Variants in FOXP2 observed in about 807,000 individuals in gnomAD.
FOXP2 encodes the protein forkhead box P2, also known as forkhead box protein P2.
A neutral mutation model predicts 115.8 loss-of-function variants in FOXP2; 12 were observed. The observed-to-expected ratio is 0.10, with a 90% confidence interval of 0.07 to 0.17. FOXP2 has a LOEUF of 0.17. FOXP2 is among the 10% of genes least tolerant of loss of function. The pLI is 1.00. For synonymous variants in FOXP2, 328 were observed against 297.7 expected (o/e 1.10, Z -1.05); for missense variants, 629 against 843.5 (o/e 0.75, Z 3.15).
At chr7:114,339,825 T>C in intron 2 of FOXP2, among the ~76,000 whole-genome samples, 1 of 151,244 alleles carries the variant, frequency 6.6e-6, no homozygotes, top group East Asian at 1.9e-4. Flanking sequence ...ATACAGTTTT[T>C]TTATGATTAC....
At chr7:114,557,498 A>G (rs913152622) in intron 3 of FOXP2, among the ~76,000 whole-genome samples, 2 of 151,888 alleles carry the variant, frequency 1.3e-5, no homozygotes, top group Non-Finnish European at 2.9e-5. Flanking sequence ...AATAAGAAGT[A>G]TTTTTTTCTG....
At chr7:114,233,033 C>T (rs933857485) in intron 1 of FOXP2, among the ~76,000 whole-genome samples, 5 of 151,992 alleles carry the variant, frequency 3.3e-5, no homozygotes, top group Admixed American at 6.6e-5. Flanking sequence ...GGGGAGCTTC[C>T]GTTCAATGGA....
intron 2 of FOXP2, among the ~76,000 whole-genome samples, chr7:114,360,363 T>G (rs906820829): frequency 6.6e-6 from 1 of 152,132 alleles, no homozygotes; most frequent in Non-Finnish European, 1.5e-5. Flanking sequence ...ATCCTTCCTT[T>G]TCTTTTTTTT....
intron 1 of FOXP2, among the ~76,000 whole-genome samples, chr7:114,213,828 G>A (rs1794418437): frequency 6.6e-6 from 1 of 152,138 alleles, no homozygotes; most frequent in African/African-American, 2.4e-5. Flanking sequence ...GGGAAAATCT[G>A]TTAACTTAGC....
At chr7:114,115,112 A>G (rs191519382) in intron 1 of FOXP2, among the ~76,000 whole-genome samples, 54 of 152,240 alleles carry the variant, frequency 3.5e-4, no homozygotes, top group Middle Eastern at 6.8e-3. Flanking sequence ...ATCACAGATT[A>G]AGGCCCTCTC....
chr7:114,510,636 A>T (rs1655907698), intron 2 of FOXP2, among the ~76,000 whole-genome samples: 2 of 152,116 alleles, frequency 1.3e-5, no homozygotes, highest in Non-Finnish European at 2.9e-5. Flanking sequence ...TTTAAAAAGT[A>T]TGTCTTTTAC....
intron 3 of FOXP2, chr7:114,561,159 G>C (rs1044308594): frequency 6.6e-6 from 1 of 152,180 alleles, no homozygotes; most frequent in African/African-American, 2.4e-5. Context: ...ATTGGGTACA[G>C]AATTAAGGTA....
chr7:114,220,077 G>T (rs887514173), intron 1 of FOXP2, among the ~76,000 whole-genome samples: 73 of 150,746 alleles, frequency 4.8e-4, no homozygotes, highest in Non-Finnish European at 9.0e-4. Context: ...CACCATGTTG[G>T]CCAGGATGGA....
chr7:114,622,452 T>C (rs1050074124), intron 3 of FOXP2, among the ~76,000 whole-genome samples: 5 of 151,902 alleles, frequency 3.3e-5, no homozygotes, highest in African/African-American at 9.7e-5. Context: ...TTCTCTGCTT[T>C]CATCTTTTGA....
intron 1 of FOXP2, among the ~76,000 whole-genome samples, chr7:114,208,861 C>T (rs1050634800): frequency 2.6e-5 from 4 of 152,130 alleles, no homozygotes; most frequent in African/African-American, 7.2e-5. Flanking sequence ...TCCCCAGCCA[C>T]GTGGAACTGA....
At chr7:114,300,612 C>A (rs562500337) in intron 2 of FOXP2, among the ~76,000 whole-genome samples, 31 of 152,108 alleles carry the variant, frequency 2.0e-4, no homozygotes, top group African/African-American at 7.5e-4. Flanking sequence ...GTATAATTAA[C>A]CAGATGCCTC....
intron 2 of FOXP2, among the ~76,000 whole-genome samples, chr7:114,519,538 C>T (rs932736875): frequency 1.3e-5 from 2 of 152,130 alleles, no homozygotes; most frequent in Admixed American, 6.6e-5. Flanking sequence ...AATGGCTTAA[C>T]TTCAACATAA....
intron 3 of FOXP2, among the ~76,000 whole-genome samples, chr7:114,592,789 C>CT (rs1802504501): frequency 6.6e-6 from 1 of 151,900 alleles, no homozygotes; most frequent in Non-Finnish European, 1.5e-5. Context: ...AAATTGGCAT[C>CT]TTTTTACATC....
chr7:114,337,871 C>T (rs1797897945), intron 2 of FOXP2, among the ~76,000 whole-genome samples: 1 of 150,862 alleles, frequency 6.6e-6, no homozygotes, highest in African/African-American at 2.4e-5. Flanking sequence ...ACAAGGAAGT[C>T]CACACTCTTT....
intron 1 of FOXP2, among the ~76,000 whole-genome samples, chr7:114,154,631 A>G (rs1379190501): frequency 1.3e-5 from 2 of 152,154 alleles, no homozygotes; most frequent in East Asian, 1.9e-4. Context: ...TCTGTGGACA[A>G]CTTATACAAA....
At chr7:114,178,060 A>ATGAAGTG (rs1793364612) in intron 1 of FOXP2, among the ~76,000 whole-genome samples, 2 of 152,094 alleles carry the variant, frequency 1.3e-5, no homozygotes, top group South Asian at 4.1e-4. Flanking sequence ...AATCATACAT[A>ATGAAGTG]TGAAGTGTAA....
intron 1 of FOXP2, among the ~76,000 whole-genome samples, chr7:114,131,503 A>G (rs993437930): frequency 6.6e-6 from 1 of 151,976 alleles, no homozygotes; most frequent in Non-Finnish European, 1.5e-5. Flanking sequence ...TACCTCATTC[A>G]CTTCACTAGA....
intron 2 of FOXP2, among the ~76,000 whole-genome samples, chr7:114,391,936 G>A (rs1468545411): frequency 6.6e-6 from 1 of 152,190 alleles, no homozygotes; most frequent in Non-Finnish European, 1.5e-5. Context: ...ACTCACATAT[G>A]TGGTGATTTT....
intron 1 of FOXP2, among the ~76,000 whole-genome samples, chr7:114,105,848 C>T (rs948275454): frequency 6.6e-6 from 1 of 152,068 alleles, no homozygotes; most frequent in Non-Finnish European, 1.5e-5. Context: ...TGGTAAATAG[C>T]AAAGCCCAGA....
Sources: gnomAD v4.1 joint callset for allele counts (sites outside exome capture counted in the v4.1 genomes callset) on GRCh38, gnomAD v4.1.1 for gene constraint, MANE v1.5 for transcripts, NCBI Gene and HGNC (gene_info 2026-07-23, HGNC 2026-07-21) for gene names.